ZMYND8: variants seen among roughly 807,000 people sequenced by gnomAD.
ZMYND8 encodes zinc finger MYND-type containing 8.
ZMYND8 carries 37 observed loss-of-function variants against 140.8 expected under a neutral mutation model. The observed-to-expected ratio is 0.26, with a 90% confidence interval of 0.20 to 0.35. The LOEUF (loss-of-function observed/expected upper bound fraction) is 0.35, where lower values mean the gene tolerates loss of function less well. ZMYND8 is among the 10% of genes least tolerant of loss of function. ZMYND8 has a pLI of 1.00. For synonymous variants in ZMYND8, 592 were observed against 597.1 expected (o/e 0.99, Z 0.12); for missense variants, 1,068 against 1,570.0 (o/e 0.68, Z 5.40).
rs562759335 is a variant in ZMYND8 at position 47,257,669 on chromosome 20, T to A, written c.1621+4619A>T. ...ACATATACTCATACCATATACCCAATATACATACATATACCATATACACAC... is the reference window on the plus strand; with the variant it reads ...ACATATACTCATACCATATACCCAAAATACATACATATACCATATACACAC... On this transcript the variant is annotated intron_variant, in intron 12 of 22. Coordinates refer to ENST00000471951, the MANE Select transcript of ZMYND8 (RefSeq NM_001281775.3). Among the ~76,000 whole-genome samples, 7 of 152,244 alleles carry A rather than the reference T, an allele frequency of 4.6e-5. No homozygotes were observed. In the East Asian group the frequency reaches 1.3e-3, roughly 29 times the overall value.
chr20:47,238,339 C>A (rs1399740900), intron 15 of ZMYND8: 14 of 170,128 alleles, frequency 8.2e-5, no homozygotes, highest in East Asian at 1.8e-4. Context: ...AATTTTATGG[C>A]ATCATATACA....
In ZMYND8 at chr20:47,245,611, A is replaced by C. The variant is rs190016584; in HGVS notation, c.2284+397T>G. On this transcript the variant is annotated intron_variant, in intron 14 of 22. Transcript: ENST00000471951. ...GAATGAGATGTCTGTGGAATGCAGC[A>C]CTGAAGGACCATTTGACAAGATCCA... Among the ~76,000 whole-genome samples the C allele has an allele frequency of 2.0e-5, 3 of 152,366 alleles. No individual in the cohort carries two copies. In the East Asian group the frequency reaches 5.8e-4, roughly 29 times the overall value.
chr20:47,245,799 AG>A (rs2040498256), intron 14 of ZMYND8, among the ~76,000 whole-genome samples: 1 of 152,238 alleles, frequency 6.6e-6, no homozygotes. Flanking sequence ...AAAGGTAGGC[AG>A]GCCCATGTTT....
intron 22 of ZMYND8, among the ~76,000 whole-genome samples, chr20:47,212,208 A>G (rs2035370912): frequency 6.6e-6 from 1 of 152,208 alleles, no homozygotes; most frequent in Non-Finnish European, 1.5e-5. Flanking sequence ...TGGTGAGGGC[A>G]GAGACCACCA....
chr20:47,262,299 T>C lies in ZMYND8; in HGVS notation c.1610A>G (p.Asn537Ser). The change falls in exon 12 of 23, where the codon AAT becomes AGT. Residue 537 changes from asparagine (N) to serine (S), a missense_variant. Asn to Ser is a conservative substitution (Grantham distance 46, BLOSUM62 1). Around this residue, in one of 10 missense-constraint regions of ZMYND8, gnomAD observed 173 missense variants for 223.3 expected, o/e 0.77. Coordinates refer to ENST00000471951, the MANE Select transcript of ZMYND8 (RefSeq NM_001281775.3). ...AAATTCTGACTGACCCAGGTTAAGATTCAGGATGCTGCCGGTGGTGGAGGT... is the reference window on the plus strand; with the variant it reads ...AAATTCTGACTGACCCAGGTTAAGACTCAGGATGCTGCCGGTGGTGGAGGT... ...DKTSTTGSIL[N>S]LNLDRSKAEM... The C allele has an allele frequency of 6.2e-7, 1 of 1,614,074 alleles. No homozygotes were observed. The highest frequency in any genetic ancestry group is 8.5e-7 in the Non-Finnish European group (1 of 1,180,020).
chr20:47,318,142 A>G (rs377028764), intron 2 of ZMYND8, among the ~76,000 whole-genome samples: 3 of 152,278 alleles, frequency 2.0e-5, no homozygotes, highest in Admixed American at 6.5e-5. Flanking sequence ...AGCTATGGAA[A>G]ACACCGGCCT....
rs151072463 is a variant in ZMYND8 at position 47,292,418 on chromosome 20, C to CA, written c.568-531dup. ...ACTCAACATAAAAATTATACCATAGCAAAAAAAAAACAAAAAAATTGTGCA... is the reference window on the plus strand; with the variant it reads ...ACTCAACATAAAAATTATACCATAGCAAAAAAAAAAACAAAAAAATTGTGCA... On this transcript the variant is annotated intron_variant, in intron 5 of 22. Coordinates refer to ENST00000471951, the MANE Select transcript of ZMYND8 (RefSeq NM_001281775.3). Among the ~76,000 whole-genome samples, 153 of 141,130 alleles carry CA rather than the reference C, an allele frequency of 1.1e-3. 1 individual carries two copies. The highest frequency in any genetic ancestry group is 3.0e-3 in the African/African-American group (115 of 38,442). The allele number at this position is 141,130 out of a possible 152,430, so 92.6% of individuals were successfully genotyped here.
At chr20:47,333,368 G>A (rs906066483) in intron 2 of ZMYND8, among the ~76,000 whole-genome samples, 3 of 151,702 alleles carry the variant, frequency 2.0e-5, no homozygotes, top group African/African-American at 2.4e-5. Context: ...TTGAGAGACT[G>A]AGGGAGGCAG....
intron 11 of ZMYND8, among the ~76,000 whole-genome samples, chr20:47,267,055 C>T (rs713164): frequency 0.64 from 96,758 of 151,974 alleles, 31,705 homozygotes; most frequent in African/African-American, 0.81. Context: ...AGAACGTTAC[C>T]GAGCCATAAA....
chr20:47,353,407 TG>T (rs1236749445), intron 1 of ZMYND8: 2 of 152,266 alleles, frequency 1.3e-5, no homozygotes, highest in East Asian at 3.8e-4. Context: ...TAAAAGTAAC[TG>T]GACTTGGCGC....
intron 11 of ZMYND8, among the ~76,000 whole-genome samples, chr20:47,264,199 C>T (rs2075345511): frequency 6.6e-6 from 1 of 152,214 alleles, no homozygotes; most frequent in Non-Finnish European, 1.5e-5. Flanking sequence ...GAGTGAGGAT[C>T]AATGTCGTCG....
At chr20:47,304,075 A>G (rs1194646281) in intron 3 of ZMYND8, among the ~76,000 whole-genome samples, 1 of 152,152 alleles carries the variant, frequency 6.6e-6, no homozygotes, top group Non-Finnish European at 1.5e-5. Context: ...AAAGCAAATC[A>G]TTTCTGAGAT....
chr20:47,276,722 T>C lies in ZMYND8; in HGVS notation c.1072A>G (p.Ile358Val). Residue 358 changes from isoleucine to valine, a missense_variant, in exon 11 of 23, where the codon ATC becomes GTC. Ile to Val is a conservative substitution (Grantham distance 29). Around this residue, in one of 10 missense-constraint regions of ZMYND8, gnomAD observed 49 missense variants for 94.1 expected, o/e 0.52. Transcript: ENST00000471951. ...ATCTCTTGCATGGCACTGTTGAAGA[T>C]GCTCTTAGTCTTTTTCACAGAAAAA... ...IPFSVKKTKSIFNSAMQEMEV... is the reference protein window; with the variant it reads ...IPFSVKKTKSVFNSAMQEMEV... The C allele has an allele frequency of 4.3e-6, 7 of 1,614,070 alleles. No homozygotes were observed. Among genetic ancestry groups the C allele is most frequent in the Non-Finnish European group, 5.9e-6 (7 of 1,180,008 alleles).
chr20:47,351,406 T>C (rs1439836619), intron 1 of ZMYND8, among the ~76,000 whole-genome samples: 1 of 152,146 alleles, frequency 6.6e-6, no homozygotes, highest in African/African-American at 2.4e-5. Flanking sequence ...ATCTAAGCCA[T>C]CTAGAATATA....
chr20:47,290,938 G>A (rs2077227544), intron 6 of ZMYND8, among the ~76,000 whole-genome samples: 1 of 151,964 alleles, frequency 6.6e-6, no homozygotes, highest in African/African-American at 2.4e-5. Context: ...TTAGTCATAT[G>A]GTCTCACACA....
intron 4 of ZMYND8, among the ~76,000 whole-genome samples, chr20:47,296,057 G>C (rs569436595): frequency 1.3e-5 from 2 of 151,428 alleles, no homozygotes; most frequent in African/African-American, 4.9e-5. Context: ...CATGACGCAT[G>C]CATCTATTTG....
chr20:47,299,638 A>G (rs1484813379), intron 3 of ZMYND8, among the ~76,000 whole-genome samples: 1 of 151,628 alleles, frequency 6.6e-6, no homozygotes, highest in African/African-American at 2.4e-5. Flanking sequence ...GCTAGAGTGC[A>G]GTGGCACAAT....
At chr20:47,279,459 AAG>A (rs2076464083) in intron 10 of ZMYND8, among the ~76,000 whole-genome samples, 1 of 151,556 alleles carries the variant, frequency 6.6e-6, no homozygotes, top group Non-Finnish European at 1.5e-5. Context: ...TAAATAAAAC[AAG>A]CCTGGGTGAC....
At chr20:47,243,530 T>C (rs1352865950) in intron 14 of ZMYND8, among the ~76,000 whole-genome samples, 1 of 152,258 alleles carries the variant, frequency 6.6e-6, no homozygotes, top group Non-Finnish European at 1.5e-5. Flanking sequence ...TGAGATCTTC[T>C]AAGGTACTGT....
Sources: gnomAD v4.1 joint callset for allele counts (sites outside exome capture counted in the v4.1 genomes callset) on GRCh38, gnomAD v4.1.1 for gene constraint, gnomAD v4.1.1 regional missense constraint, MANE v1.5 for transcripts, NCBI Gene and HGNC (gene_info 2026-07-23, HGNC 2026-07-21) for gene names.